CDK14: variants seen among roughly 807,000 people sequenced by gnomAD.
The protein encoded by CDK14 is cyclin-dependent kinase 14.
A neutral mutation model predicts 60.7 loss-of-function variants in CDK14; 34 were observed. The ratio of observed to expected loss-of-function variants is 0.56; its 90% CI spans 0.43 to 0.75. CDK14 has a LOEUF of 0.75. Ranked by LOEUF, CDK14 falls within the 30% of genes least tolerant of loss-of-function variation. The probability of loss-of-function intolerance (pLI) is 0.00; values close to 1 mark genes in which losing one functional copy is unlikely to be tolerated. For synonymous variants in CDK14, 197 were observed against 203.7 expected (o/e 0.97, Z 0.28); for missense variants, 482 against 564.1 (o/e 0.85, Z 1.47).
intron 7 of CDK14, among the ~76,000 whole-genome samples, chr7:90,909,844 A>G (rs545758259): frequency 6.6e-6 from 1 of 152,326 alleles, no homozygotes; most frequent in South Asian, 2.1e-4. Flanking sequence ...TGTAAATTAA[A>G]TTGTTACATT....
At chr7:91,084,007 A>G (rs1450621448) in intron 12 of CDK14, among the ~76,000 whole-genome samples, 2 of 152,214 alleles carry the variant, frequency 1.3e-5, no homozygotes, top group Non-Finnish European at 2.9e-5. Flanking sequence ...GCCTTTTGCA[A>G]TGTACATTGT....
chr7:91,072,647 C>G lies in CDK14; in HGVS notation c.1106-6785C>G, dbSNP rs150683003. The stretch of plus-strand genomic sequence containing the variant: ...TCAAACGATCGCAACAGCTCTCCAG[C>G]AATGGCGCAGAACTGGACAGAAGAT... On this transcript the variant is annotated intron_variant, in intron 11 of 14. Transcript: ENST00000380050. Among the ~76,000 whole-genome samples the G allele has an allele frequency of 4.1e-3, 627 of 152,172 alleles. 4 individuals are homozygous for G. The highest frequency in any genetic ancestry group is 0.013 in the African/African-American group (535 of 41,512).
At chr7:91,110,967 C>T (rs748214710) in intron 12 of CDK14, among the ~76,000 whole-genome samples, 1 of 152,122 alleles carries the variant, frequency 6.6e-6, no homozygotes, top group Non-Finnish European at 1.5e-5. Context: ...ATGAATGGCC[C>T]TGTGCCCTCT....
At chr7:90,639,271 G>A (rs1272275701) in intron 2 of CDK14, among the ~76,000 whole-genome samples, 1 of 151,820 alleles carries the variant, frequency 6.6e-6, no homozygotes, top group Non-Finnish European at 1.5e-5. Context: ...ATCTACTTTT[G>A]GTCTTTGATG....
At chr7:90,990,229 G>A (rs889380478) in intron 10 of CDK14, among the ~76,000 whole-genome samples, 2 of 152,274 alleles carry the variant, frequency 1.3e-5, no homozygotes, top group South Asian at 4.2e-4. Context: ...AGTGAGCTAT[G>A]ATTGTGCCAC....
chr7:90,656,912 A>G (rs1224383241), intron 2 of CDK14, among the ~76,000 whole-genome samples: 1 of 152,224 alleles, frequency 6.6e-6, no homozygotes, highest in Non-Finnish European at 1.5e-5. Context: ...AGTCTGTTTC[A>G]TAGAAAATGA....
intron 9 of CDK14, among the ~76,000 whole-genome samples, chr7:90,965,064 G>A (rs761027506): frequency 1.4e-4 from 21 of 151,988 alleles, no homozygotes; most frequent in Non-Finnish European, 2.4e-4. Context: ...CCTTTCCTCA[G>A]CCATGTTCTT....
chr7:90,659,360 G>T (rs1800815030), intron 2 of CDK14, among the ~76,000 whole-genome samples: 1 of 152,140 alleles, frequency 6.6e-6, no homozygotes, highest in South Asian at 2.1e-4. Context: ...CTCATATTAT[G>T]TTCAGACCCC....
intron 14 of CDK14, among the ~76,000 whole-genome samples, chr7:91,156,662 A>C (rs757822955): frequency 6.6e-6 from 1 of 152,164 alleles, no homozygotes; most frequent in Non-Finnish European, 1.5e-5. Context: ...TATATTTTTA[A>C]TGGTGGGAGG....
chr7:90,792,724 C>T (rs918191135), intron 5 of CDK14, among the ~76,000 whole-genome samples: 7 of 152,162 alleles, frequency 4.6e-5, no homozygotes, highest in Admixed American at 3.9e-4. Context: ...TTATACACCT[C>T]ACTTCTCTTG....
chr7:90,753,201 A>G (rs1803916784), intron 4 of CDK14, among the ~76,000 whole-genome samples: 1 of 152,134 alleles, frequency 6.6e-6, no homozygotes, highest in Non-Finnish European at 1.5e-5. Flanking sequence ...AAAACAGAAA[A>G]CTAAAAGCCA....
chr7:90,830,860 A>G (rs1421913476), intron 5 of CDK14, among the ~76,000 whole-genome samples: 1 of 152,216 alleles, frequency 6.6e-6, no homozygotes, highest in Admixed American at 6.5e-5. Context: ...GCAAAATGAC[A>G]CTAATCTCCT....
chr7:90,699,076 A>C (rs541101546), intron 2 of CDK14, among the ~76,000 whole-genome samples: 77 of 152,358 alleles, frequency 5.1e-4, no homozygotes, highest in Non-Finnish European at 1.0e-3. Context: ...CTGTTTAAAA[A>C]GTGTTTGATT....
intron 2 of CDK14, among the ~76,000 whole-genome samples, chr7:90,621,141 G>A (rs1799756366): frequency 6.6e-6 from 1 of 152,134 alleles, no homozygotes; most frequent in African/African-American, 2.4e-5. Flanking sequence ...GATTTCCAGA[G>A]GTCTATGATG....
chr7:90,844,996 G>A lies in CDK14; in HGVS notation c.545-18179G>A, dbSNP rs1449183411. On this transcript the variant is annotated intron_variant, in intron 5 of 14. Transcript: ENST00000380050. ...GTGGCAAAATATCTAGCGAGAGAGAGAGAAACTTTTTCTCCTTAGCACTTG... is the reference window on the plus strand; with the variant it reads ...GTGGCAAAATATCTAGCGAGAGAGAAAGAAACTTTTTCTCCTTAGCACTTG... Among the ~76,000 whole-genome samples the A allele has an allele frequency of 2.0e-5, 3 of 152,250 alleles. No homozygotes were observed. The East Asian group carries it at 5.8e-4, about 29-fold the overall frequency.
chr7:90,993,862 T>A (rs555282351), intron 10 of CDK14, among the ~76,000 whole-genome samples: 1 of 152,348 alleles, frequency 6.6e-6, no homozygotes, highest in South Asian at 2.1e-4. Context: ...TATATCTTCC[T>A]ACCACCTGTA....
At chr7:91,026,715 A>T (rs567844153) in intron 10 of CDK14, among the ~76,000 whole-genome samples, 2 of 152,288 alleles carry the variant, frequency 1.3e-5, no homozygotes, top group Non-Finnish European at 2.9e-5. Flanking sequence ...TTCACACACC[A>T]TTTATATATG....
At chr7:90,954,954 A>T (rs1794368817) in intron 8 of CDK14, among the ~76,000 whole-genome samples, 1 of 151,596 alleles carries the variant, frequency 6.6e-6, no homozygotes, top group Non-Finnish European at 1.5e-5. Context: ...AAAAAAAAAC[A>T]GACCTACAAA....
chr7:91,090,989 G>A (rs1562900227), intron 12 of CDK14, among the ~76,000 whole-genome samples: 1 of 45,184 alleles, frequency 2.2e-5, no homozygotes, highest in Non-Finnish European at 3.8e-5. Flanking sequence ...AACTAAGTTG[G>A]TTTTGTTTGT....
Sources: allele counts gnomAD v4.1 joint callset (sites outside exome capture counted in the v4.1 genomes callset), GRCh38; gene constraint gnomAD v4.1.1; transcripts MANE v1.5; gene names NCBI Gene and HGNC (gene_info 2026-07-23, HGNC 2026-07-21).